Variants in HERC3 observed in about 807,000 individuals in gnomAD.
HERC3 encodes probable E3 ubiquitin-protein ligase HERC3.
HERC3 carries 58 observed loss-of-function variants against 129.9 expected under a neutral mutation model. The observed-to-expected ratio is 0.45, with a 90% CI of 0.36 to 0.56. The LOEUF is 0.56. Ranked by LOEUF, HERC3 falls within the 20% of genes least tolerant of loss-of-function variation. The probability of loss-of-function intolerance (pLI) is 0.00; values close to 1 mark genes in which losing one functional copy is unlikely to be tolerated. For missense variants in HERC3, 835 were observed against 1,244.2 expected, an observed-to-expected ratio of 0.67 and a Z score of 4.95; for synonymous variants, 430 against 451.0, an observed-to-expected ratio of 0.95 and a Z score of 0.59.
intron 3 of HERC3, among the ~76,000 whole-genome samples, chr4:88,612,823 A>G (rs1724498850): frequency 6.6e-6 from 1 of 152,154 alleles, no homozygotes. Flanking sequence ...AAGCAAGCAA[A>G]CAAAACATAA....
rs755334634 is a variant in HERC3 at position 88,664,211 on chromosome 4, A to G, written c.1330A>G (p.Lys444Glu). Reference protein sequence around the residue: ...ACWNGSFLEKKIDEHFKTSPK... With the variant: ...ACWNGSFLEKEIDEHFKTSPK... ...TTGGAATGGAAGTTTTCTTGAAAAA[A>G]AGTAAGTGACTTAGAGCCTTAAAAA... The change falls in exon 12 of 26, where the codon AAA (lysine) becomes GAA (glutamate). Residue 444 changes from lysine (K) to glutamate (E), a missense_variant and splice_region_variant. By Grantham distance (56) the Lys-to-Glu change is moderately conservative. Coordinates refer to ENST00000402738, the MANE Select transcript of HERC3 (RefSeq NM_014606.3). The G allele has an allele frequency of 1.1e-5, 17 of 1,612,600 alleles. No individual in the cohort carries two copies. In the East Asian group the frequency reaches 3.8e-4, roughly 36 times the overall value.
chr4:88,540,889 G>T, the HERC3 span, among the ~76,000 whole-genome samples: 4 of 152,150 alleles, frequency 2.6e-5, no homozygotes, highest in East Asian at 1.9e-4. Flanking sequence ...ACAAGAAAAA[G>T]GCTGAGAGAT....
rs149903537 is a variant in HERC3 at position 88,705,720 on chromosome 4, T to C, written c.2945-1032T>C. Reference sequence around the variant, plus strand: ...TGTGTAATCAGCGTCAGAAATTAGCTAGTGCATAGTATGGAATTTTAGTCA... The same window carrying C: ...TGTGTAATCAGCGTCAGAAATTAGCCAGTGCATAGTATGGAATTTTAGTCA... On this transcript the variant is annotated intron_variant, in intron 25 of 25. Transcript: ENST00000402738. Among the ~76,000 whole-genome samples, 197 of 152,344 alleles carry C rather than the reference T, an allele frequency of 1.3e-3. 4 individuals are homozygous for C. The highest frequency in any genetic ancestry group is 4.5e-3 in the African/African-American group (188 of 41,586).
intron 21 of HERC3, among the ~76,000 whole-genome samples, chr4:88,682,701 C>T (rs375567106): frequency 5.9e-5 from 9 of 152,106 alleles, no homozygotes; most frequent in East Asian, 1.9e-4. Flanking sequence ...ATGTGCCACA[C>T]TTTCTTAATC....
At chr4:88,571,543 C>T in the HERC3 span, among the ~76,000 whole-genome samples, 2 of 152,164 alleles carry the variant, frequency 1.3e-5, no homozygotes, top group African/African-American at 4.8e-5. Context: ...ATTTGGTATG[C>T]AAACTAGACA....
intron 16 of HERC3, among the ~76,000 whole-genome samples, chr4:88,672,094 TA>T (rs1443842803): frequency 2.0e-5 from 3 of 152,170 alleles, no homozygotes; most frequent in Non-Finnish European, 4.4e-5. Context: ...CTAATTTCAT[TA>T]GTAGCAGTAA....
chr4:88,592,930 T>C (rs1721881125), intron 1 of HERC3, among the ~76,000 whole-genome samples: 1 of 151,976 alleles, frequency 6.6e-6, no homozygotes, highest in Non-Finnish European at 1.5e-5. Context: ...CCGGGAGGAA[T>C]TGCGACGCAG....
At chr4:88,698,536 T>G (rs1219849173) in intron 23 of HERC3, among the ~76,000 whole-genome samples, 1 of 148,318 alleles carries the variant, frequency 6.7e-6, no homozygotes, top group African/African-American at 2.5e-5. Context: ...CTTTGGCCTG[T>G]GGGAAGGACT....
chr4:88,595,086 G>A (rs2149167971), intron 1 of HERC3, among the ~76,000 whole-genome samples: 1 of 115,086 alleles, frequency 8.7e-6, no homozygotes, highest in South Asian at 3.0e-4. Flanking sequence ...GGGTGAAAGA[G>A]CCAGACTCTG....
chr4:88,573,292 G>A, the HERC3 span, among the ~76,000 whole-genome samples: 1 of 152,128 alleles, frequency 6.6e-6, no homozygotes, highest in Admixed American at 6.5e-5. Context: ...GTGCACATGG[G>A]ACATAAAGCT....
intron 25 of HERC3, among the ~76,000 whole-genome samples, chr4:88,704,947 G>A (rs185389914): frequency 2.7e-5 from 4 of 148,274 alleles, no homozygotes; most frequent in East Asian, 2.0e-4. Context: ...TGCAACCTCC[G>A]CCTCCTGGAT....
At chr4:88,539,926 A>G in the HERC3 span, among the ~76,000 whole-genome samples, 7 of 152,306 alleles carry the variant, frequency 4.6e-5, no homozygotes. Context: ...CCAAAACTCT[A>G]TCTGTAGGTC....
At chr4:88,593,984 G>C (rs115812684) in intron 1 of HERC3, among the ~76,000 whole-genome samples, 3,786 of 152,272 alleles carry the variant, frequency 0.025, 74 homozygotes, top group Non-Finnish European at 0.039. Flanking sequence ...CATCATGGTC[G>C]TACCGCCTTC....
upstream of HERC3, among the ~76,000 whole-genome samples, chr4:88,592,201 C>A (rs552797795): frequency 5.3e-5 from 8 of 152,370 alleles, no homozygotes; most frequent in South Asian, 1.7e-3. Context: ...CTTATTTCAG[C>A]GTCAACGCTC....
Position 88,606,051 on chromosome 4 carries a change from T to A in HERC3, c.226+2T>A. The stretch of plus-strand genomic sequence containing the variant: ...ATGAGAGGGAAGGAAACAAGCCAGG[T>A]AAGTGCACCTTATCTGTCTTGATTA... On this transcript the variant is annotated splice_donor_variant, in intron 3 of 25. Coordinates refer to ENST00000402738, the MANE Select transcript of HERC3 (RefSeq NM_014606.3). LOFTEE classifies it high-confidence loss of function. 1 of 1,610,064 alleles carries A rather than the reference T, an allele frequency of 6.2e-7. No homozygotes were observed. The highest frequency in any genetic ancestry group is 1.1e-5 in the South Asian group (1 of 90,868).
At chr4:88,540,036 C>T in the HERC3 span, among the ~76,000 whole-genome samples, 3 of 152,160 alleles carry the variant, frequency 2.0e-5, no homozygotes, top group African/African-American at 7.2e-5. Context: ...TCTTCTCCTC[C>T]AAAGGATCGC....
intron 3 of HERC3, among the ~76,000 whole-genome samples, chr4:88,644,038 A>T (rs920951524): frequency 6.6e-6 from 1 of 152,216 alleles, no homozygotes; most frequent in Non-Finnish European, 1.5e-5. Context: ...GATGTTTGAC[A>T]TCTTTAGCCA....
rs140550823 is a variant in HERC3 at position 88,705,458 on chromosome 4, C to T, written c.2944+848C>T. Among the ~76,000 whole-genome samples the T allele has an allele frequency of 2.0e-3, 309 of 152,328 alleles. 5 individuals are homozygous for T. The highest frequency in any genetic ancestry group is 0.013 in the East Asian group (66 of 5,186). On this transcript the variant is annotated intron_variant, in intron 25 of 25. Transcript: ENST00000402738. ...TAACCTCAAAAAAGAAACCCCATACCTATTAGCAGTCATTCTCCATTTCTT... is the reference window on the plus strand; with the variant it reads ...TAACCTCAAAAAAGAAACCCCATACTTATTAGCAGTCATTCTCCATTTCTT...
intron 3 of HERC3, among the ~76,000 whole-genome samples, chr4:88,618,899 A>G (rs1256731312): frequency 6.6e-6 from 1 of 152,244 alleles, no homozygotes; most frequent in Non-Finnish European, 1.5e-5. Context: ...TAAATGAACC[A>G]TCAGCTTTGG....
Sources: gnomAD v4.1 joint callset for allele counts (sites outside exome capture counted in the v4.1 genomes callset) on GRCh38, gnomAD v4.1.1 for gene constraint, MANE v1.5 for transcripts, NCBI Gene and HGNC (gene_info 2026-07-23, HGNC 2026-07-21) for gene names.